Variants in COL27A1 observed in about 807,000 individuals in gnomAD.
COL27A1 encodes the protein collagen alpha-1(XXVII) chain.
A neutral mutation model predicts 251.3 loss-of-function variants in COL27A1; 106 were observed. The observed-to-expected ratio is 0.42, with a 90% CI of 0.36 to 0.50. The LOEUF (loss-of-function observed/expected upper bound fraction) is 0.50. Among genes scored for constraint, COL27A1 ranks in the 20% least tolerant of loss-of-function variants. The probability of loss-of-function intolerance (pLI) is 0.00; values close to 1 mark genes in which losing one functional copy is unlikely to be tolerated. For synonymous variants in COL27A1, 1,000 were observed against 986.3 expected (o/e 1.01, Z -0.26); for missense variants, 2,325 against 2,522.8 (o/e 0.92, Z 1.68).
intron 12 of COL27A1, among the ~76,000 whole-genome samples, chr9:114,212,543 G>C (rs972515805): frequency 6.6e-6 from 1 of 152,226 alleles, no homozygotes; most frequent in Admixed American, 6.5e-5. Flanking sequence ...GTAGGATAGG[G>C]AGACAGGGAG....
At chr9:114,225,830 AGG>A (rs1175101991) in intron 14 of COL27A1, among the ~76,000 whole-genome samples, 1 of 152,156 alleles carries the variant, frequency 6.6e-6, no homozygotes, top group East Asian at 1.9e-4. Flanking sequence ...GCCGGGAGGA[AGG>A]GCGTGAGAGG....
chr9:114,253,626 T>C (rs1833725885), intron 27 of COL27A1, among the ~76,000 whole-genome samples: 1 of 152,102 alleles, frequency 6.6e-6, no homozygotes, highest in Non-Finnish European at 1.5e-5. Flanking sequence ...CTGACTATAA[T>C]CCTGGGGCAG....
rs768931656 is a variant in COL27A1 at position 114,282,415 on chromosome 9, C to G, written c.3772-42C>G. The G allele has an allele frequency of 3.3e-5, 53 of 1,607,138 alleles. No homozygotes were observed. The South Asian group carries it at 5.7e-4, about 17-fold the overall frequency. ...TCCCTCCCCTCCCTGGACCCTCCGT[C>G]CTGTTGGGCCTGGTGACAGCTTGTC... On this transcript the variant is annotated intron_variant, in intron 38 of 60. Transcript: ENST00000356083.
chr9:114,275,589 T>C (rs886749502), intron 36 of COL27A1, 72 bp from the exon 37 acceptor site: 3 of 1,006,076 alleles, frequency 3.0e-6, no homozygotes, highest in East Asian at 5.4e-5. Context: ...GCCCTGAGAT[T>C]TGGGGCCTCT....
rs547179844 is a variant in COL27A1 at position 114,276,612 on chromosome 9, C to A, written c.3717+844C>A. On this transcript the variant is annotated intron_variant, in intron 37 of 60. Transcript: ENST00000356083. ...AGAACAAGACTTTGTCACAAAAAAA[C>A]AAACAAACAACAACAACAACAAAAC... is the stretch of plus-strand genomic sequence containing the variant. Among the ~76,000 whole-genome samples, 5 of 152,274 alleles carry A rather than the reference C, an allele frequency of 3.3e-5. No individual in the cohort carries two copies. The East Asian group carries it at 7.7e-4, about 24-fold the overall frequency.
Position 114,258,501 on chromosome 9 carries a change from C to T in COL27A1, c.3142-40C>T. The T allele has an allele frequency of 3.1e-6, 5 of 1,595,120 alleles. No homozygotes were observed. The African/African-American group carries it at 5.4e-5, about 17-fold the overall frequency. On this transcript the variant is annotated intron_variant, in intron 27 of 60. Transcript: ENST00000356083. ...CAGCCCCCCGTGTTGCTCTCACTTCCTAAAAAGGGGCCTCTCCAAACTCTT... is the reference window on the plus strand; with the variant it reads ...CAGCCCCCCGTGTTGCTCTCACTTCTTAAAAAGGGGCCTCTCCAAACTCTT...
chr9:114,219,948 C>T, intron 13 of COL27A1, 104 bp downstream of exon 13: 1 of 872,868 alleles, frequency 1.1e-6, no homozygotes, highest in South Asian at 1.4e-5. Context: ...GGTCAAATCC[C>T]AGCCCTGTGA....
At chr9:114,175,946 T>A (rs137998104) in intron 3 of COL27A1, among the ~76,000 whole-genome samples, 140 of 152,326 alleles carry the variant, frequency 9.2e-4, no homozygotes, top group Admixed American at 1.5e-3. Flanking sequence ...TGCCAGGAAG[T>A]TTCCAGGATC....
At chr9:114,189,859 C>T (rs1186493387) in intron 5 of COL27A1, among the ~76,000 whole-genome samples, 2 of 152,174 alleles carry the variant, frequency 1.3e-5, no homozygotes, top group Middle Eastern at 3.4e-3. Flanking sequence ...ATAACCATCC[C>T]CTTACTGAAT....
chr9:114,224,378 G>A (rs142485345), intron 14 of COL27A1, among the ~76,000 whole-genome samples: 4,512 of 152,228 alleles, frequency 0.03, 90 homozygotes, highest in Middle Eastern at 0.051. Context: ...AGCCCGAGTC[G>A]TCCTCACTGT....
At chr9:114,228,094 G>A (rs903214828) in intron 14 of COL27A1, among the ~76,000 whole-genome samples, 4 of 152,128 alleles carry the variant, frequency 2.6e-5, no homozygotes, top group African/African-American at 4.8e-5. Flanking sequence ...CCCATGGCAG[G>A]TCCCTGCCCC....
chr9:114,163,243 AG>A (rs1298285541), intron 2 of COL27A1, among the ~76,000 whole-genome samples: 1 of 146,432 alleles, frequency 6.8e-6, no homozygotes, highest in African/African-American at 2.5e-5. Flanking sequence ...AAAAAAAAAA[AG>A]AATCGCATTT....
At chr9:114,201,241 T>G (rs1242673890) in intron 7 of COL27A1, among the ~76,000 whole-genome samples, 1 of 152,220 alleles carries the variant, frequency 6.6e-6, no homozygotes, top group Non-Finnish European at 1.5e-5. Flanking sequence ...TCTCCCTTAG[T>G]GCCAGTCAGG....
chr9:114,258,524 CT>C lies in COL27A1; in HGVS notation c.3142-14del, dbSNP rs780422527. On this transcript the variant is annotated splice_polypyrimidine_tract_variant and intron_variant, in intron 27 of 60. Coordinates refer to ENST00000356083, the MANE Select transcript of COL27A1 (RefSeq NM_032888.4). The stretch of plus-strand genomic sequence containing the variant: ...TCCTAAAAAGGGGCCTCTCCAAACT[CT>C]TTCTCCTCTTCCCAGGGTCCTCCAG... 6.2e-7 allele frequency: 1 copy of C among 1,611,980 alleles called. No homozygotes were observed. Among genetic ancestry groups the C allele is most frequent in the South Asian group, 1.1e-5 (1 of 90,430 alleles).
At chr9:114,228,921 A>T (rs1831717452) in intron 14 of COL27A1, among the ~76,000 whole-genome samples, 1 of 152,058 alleles carries the variant, frequency 6.6e-6, no homozygotes, top group South Asian at 2.1e-4. Context: ...TCCTGGGCTC[A>T]AGGGATCCAC....
chr9:114,300,772 C>T (rs1828563762), intron 51 of COL27A1, 85 bp downstream of exon 51: 1 of 1,154,044 alleles, frequency 8.7e-7, no homozygotes, highest in African/African-American at 1.6e-5. Flanking sequence ...TCTTCATCCT[C>T]CTCTTGCTCC....
chr9:114,245,990 TC>T, intron 24 of COL27A1, 80 bp downstream of exon 24: 1 of 1,207,720 alleles, frequency 8.3e-7, no homozygotes, highest in Non-Finnish European at 1.2e-6. Context: ...CCCAGCACCC[TC>T]CATGCACCAC....
At chr9:114,245,584 G>C (rs1833076338) in intron 23 of COL27A1, among the ~76,000 whole-genome samples, 1 of 152,154 alleles carries the variant, frequency 6.6e-6, no homozygotes, top group African/African-American at 2.4e-5. Flanking sequence ...AAATGCAATG[G>C]GCTTCTGAAG....
chr9:114,254,403 G>A (rs964587436), intron 27 of COL27A1, among the ~76,000 whole-genome samples: 1 of 152,062 alleles, frequency 6.6e-6, no homozygotes, highest in African/African-American at 2.4e-5. Flanking sequence ...CTCTCATTTG[G>A]AGCAGGTAGA....
Sources: gnomAD v4.1 joint callset for allele counts (sites outside exome capture counted in the v4.1 genomes callset) on GRCh38, gnomAD v4.1.1 for gene constraint, MANE v1.5 for transcripts, NCBI Gene and HGNC (gene_info 2026-07-23, HGNC 2026-07-21) for gene names.